Variants in TMEM62 observed in about 807,000 individuals in gnomAD.
TMEM62 encodes transmembrane protein 62.
Under a neutral mutation model 70.4 loss-of-function variants are expected in TMEM62, and 41 were observed. That is an observed-to-expected ratio of 0.58 (90% CI 0.45 to 0.76). The LOEUF (loss-of-function observed/expected upper bound fraction) is 0.76, where lower values mean the gene tolerates loss of function less well. Ranked by LOEUF, TMEM62 falls within the 30% of genes least tolerant of loss-of-function variation. The pLI is 0.00. For missense variants in TMEM62, 688 were observed against 788.5 expected (o/e 0.87, Z 1.53); for synonymous variants, 268 against 291.0 (o/e 0.92, Z 0.80).
intron 8 of TMEM62, among the ~76,000 whole-genome samples, chr15:43,154,039 C>T (rs903118618): frequency 6.6e-6 from 1 of 152,134 alleles, no homozygotes; most frequent in Non-Finnish European, 1.5e-5. Flanking sequence ...GCCAAATTCA[C>T]AATACTCTTA....
intron 2 of TMEM62, among the ~76,000 whole-genome samples, chr15:43,135,251 A>G (rs1407940310): frequency 1.3e-5 from 2 of 152,218 alleles, no homozygotes; most frequent in Non-Finnish European, 2.9e-5. Context: ...TGTTCTCTTT[A>G]AAGATTTTTT....
rs569489034 is a variant in TMEM62, at chr15:43,179,224, G to A, written c.1486+513G>A. 3.7e-4 allele frequency among the ~76,000 whole-genome samples: 56 copies of A among 151,970 alleles called. 1 individual carries two copies. Among genetic ancestry groups the A allele is most frequent in the South Asian group, 2.7e-3 (13 of 4,822 alleles). ...TCCAGCCTGGGCAACACAGCAAGAC[G>A]CCATCTAAAAAAAAAGTATATATAT... On this transcript the variant is annotated intron_variant, in intron 12 of 13. Transcript: ENST00000260403.
At position 43,133,589 on chromosome 15, in the gene TMEM62, T is replaced by A. The variant is rs886832448; in HGVS notation, c.-214T>A. On this transcript the variant is annotated 5_prime_UTR_variant, in exon 1 of 14. Transcript: ENST00000260403. ...CTTATGCAAAACGAGCCCAGTCACT[T>A]GCGCGGCCAGAGAGGGGCAGGTGCT... The A allele has an allele frequency of 5.3e-6, 2 of 376,072 alleles. No individual in the cohort carries two copies. The highest frequency in any genetic ancestry group is 9.4e-6 in the Non-Finnish European group (2 of 212,210). 23.3% of individuals were successfully genotyped at this position (376,072 alleles called of 1,614,324 possible).
chr15:43,162,441 T>G (rs531789785), intron 10 of TMEM62, among the ~76,000 whole-genome samples: 100 of 147,644 alleles, frequency 6.8e-4, no homozygotes, highest in East Asian at 1.8e-3. Context: ...CCCTTTTTTT[T>G]TTTTTGTTGA....
At chr15:43,139,319 C>T (rs2035685145) in intron 4 of TMEM62, among the ~76,000 whole-genome samples, 1 of 152,174 alleles carries the variant, frequency 6.6e-6, no homozygotes, top group Non-Finnish European at 1.5e-5. Flanking sequence ...TCTCCCATCT[C>T]TCTCCCTCTC....
chr15:43,176,844 T>G (rs1306402024), intron 11 of TMEM62, among the ~76,000 whole-genome samples: 1 of 152,060 alleles, frequency 6.6e-6, no homozygotes, highest in African/African-American at 2.4e-5. Context: ...GGAGAATGAC[T>G]TTGACAAGTT....
At chr15:43,165,405 A>G (rs1338328640) in intron 10 of TMEM62, among the ~76,000 whole-genome samples, 1 of 152,034 alleles carries the variant, frequency 6.6e-6, no homozygotes, top group Non-Finnish European at 1.5e-5. Context: ...TTCTGCTTTG[A>G]TTTTTTAAAA....
Position 43,160,685 on chromosome 15 carries a change from C to T in TMEM62, c.1187C>T (p.Ser396Phe). The change falls in exon 10 of 14, where the codon TCT (serine) becomes TTT (phenylalanine). Residue 396 changes from serine (S) to phenylalanine (F), a missense_variant. Transcript: ENST00000260403. ...THNIEVIVQDSAGRSKSVHHI... is the reference protein window; with the variant it reads ...THNIEVIVQDFAGRSKSVHHI... ...TTCTTCTGTGGTTATTACTAGGATT[C>T]TGCTGGAAGAAGTAAGAGTGTTCAC... The T allele has an allele frequency of 6.3e-7, 1 of 1,585,178 alleles. No individual in the cohort carries two copies. Among genetic ancestry groups the T allele is most frequent in the Non-Finnish European group, 8.6e-7 (1 of 1,158,962 alleles).
intron 4 of TMEM62, among the ~76,000 whole-genome samples, chr15:43,138,917 CAG>C (rs2035616632): frequency 6.6e-6 from 1 of 152,194 alleles, no homozygotes; most frequent in Non-Finnish European, 1.5e-5. Context: ...CTTTTTGTGA[CAG>C]ATGCATTTCT....
At chr15:43,146,723 T>C (rs1163219940) in intron 5 of TMEM62, 89 bp downstream of exon 5, 7 of 1,179,822 alleles carry the variant, frequency 5.9e-6, no homozygotes, top group Non-Finnish European at 7.0e-6. Context: ...AGTAAACTAG[T>C]TGTTATCTAG....
intron 4 of TMEM62, among the ~76,000 whole-genome samples, chr15:43,145,103 CAAA>C (rs200747419): frequency 2.7e-5 from 3 of 109,466 alleles, no homozygotes; most frequent in Admixed American, 1.0e-4. Flanking sequence ...GACTCCGTCT[CAAA>C]AAAAAAAAAA....
chr15:43,134,104 C>G (rs547628594), intron 1 of TMEM62, 122 bp downstream of exon 1: 1 of 1,426,166 alleles, frequency 7.0e-7, no homozygotes, highest in South Asian at 1.4e-5. Context: ...TAACTCGAGG[C>G]TCTGTCTAGT....
intron 11 of TMEM62, among the ~76,000 whole-genome samples, chr15:43,176,300 A>G (rs2040738477): frequency 6.6e-6 from 1 of 152,244 alleles, no homozygotes; most frequent in Non-Finnish European, 1.5e-5. Flanking sequence ...GAAGACTTAA[A>G]TGTCCCTGTC....
chr15:43,166,708 C>T (rs1166309082), intron 10 of TMEM62, among the ~76,000 whole-genome samples: 1 of 152,100 alleles, frequency 6.6e-6, no homozygotes, highest in Non-Finnish European at 1.5e-5. Context: ...TGCGGCCTTC[C>T]GCAGTTTTTG....
Position 43,178,698 on chromosome 15 carries a change from G to A in TMEM62, c.1473G>A (p.Leu491=). The change falls in exon 12 of 14, where the codon CTG becomes CTA. Residue 491 remains leucine (L), a synonymous_variant. Transcript: ENST00000260403. ...ACTATTCTGTGTTGTTGTTGACCCT[G>A]TATACAGTGCTGGGTAAGTAAATTA... ...IFYYSVLLLT[L]YTVLGPWFFG... is the part of the protein sequence containing the mutation. 1 of 1,608,060 alleles carries A rather than the reference G, an allele frequency of 6.2e-7. No homozygotes were observed. The highest frequency in any genetic ancestry group is 8.5e-7 in the Non-Finnish European group (1 of 1,175,214).
intron 9 of TMEM62, among the ~76,000 whole-genome samples, chr15:43,157,940 C>T (rs1225338069): frequency 1.3e-5 from 2 of 152,024 alleles, no homozygotes; most frequent in Admixed American, 6.5e-5. Context: ...TCTATTTAAC[C>T]GACTTGTCTC....
At chr15:43,134,039 G>A in intron 1 of TMEM62, 57 bp downstream of exon 1, 1 of 1,437,548 alleles carries the variant, frequency 7.0e-7, no homozygotes, top group Non-Finnish European at 9.1e-7. Flanking sequence ...CCGTGCGGTG[G>A]GACCCTTGCG....
At chr15:43,148,948 C>G (rs1309249777) in intron 6 of TMEM62, 69 bp downstream of exon 6, 1 of 1,602,400 alleles carries the variant, frequency 6.2e-7, no homozygotes, top group Non-Finnish European at 8.5e-7. Context: ...ACCTATTCTG[C>G]TTTTCTGGCA....
intron 10 of TMEM62, among the ~76,000 whole-genome samples, chr15:43,167,788 G>A (rs1211278613): frequency 6.6e-6 from 1 of 152,148 alleles, no homozygotes; most frequent in East Asian, 1.9e-4. Context: ...GGAGGTCGAG[G>A]TTGTAGCGAG....
Sources: allele counts gnomAD v4.1 joint callset (sites outside exome capture counted in the v4.1 genomes callset), GRCh38; gene constraint gnomAD v4.1.1; transcripts MANE v1.5; gene names NCBI Gene and HGNC (gene_info 2026-07-23, HGNC 2026-07-21).